Variants in OPCML observed in about 807,000 individuals in gnomAD.
The protein encoded by OPCML is opioid-binding protein/cell adhesion molecule.
Under a neutral mutation model 37.8 loss-of-function variants are expected in OPCML, and 13 were observed. The observed-to-expected ratio is 0.34, with a 90% CI of 0.22 to 0.55. The LOEUF is 0.55. Ranked by LOEUF, OPCML falls within the 20% of genes least tolerant of loss-of-function variation. The pLI is 0.91. For missense variants in OPCML, 341 were observed against 435.6 expected, an observed-to-expected ratio of 0.78 and a Z score of 1.93; for synonymous variants, 176 against 168.8, an observed-to-expected ratio of 1.04 and a Z score of -0.33.
At chr11:133,374,466 C>T (rs537368507) in intron 1 of OPCML, among the ~76,000 whole-genome samples, 10 of 152,158 alleles carry the variant, frequency 6.6e-5, no homozygotes, top group South Asian at 2.1e-4. Flanking sequence ...TGTAGTCTAT[C>T]GTGTGTCCAT....
At position 132,420,401 on chromosome 11, in the gene OPCML, C is replaced by T. The variant is rs949255864; in HGVS notation, c.917-108G>A. Reference sequence around the variant, plus strand: ...ATGCTTCCCACCTTCCACCCTTCCGCTGACCATTCCAAGTCTAAACAAAGG... The same window carrying T: ...ATGCTTCCCACCTTCCACCCTTCCGTTGACCATTCCAAGTCTAAACAAAGG... On this transcript the variant is annotated intron_variant, in intron 7 of 7. Coordinates refer to ENST00000524381, the MANE Select transcript of OPCML (RefSeq NM_001012393.5). 3.7e-5 allele frequency: 54 copies of T among 1,474,420 alleles called. No homozygotes were observed. The East Asian group carries it at 4.0e-4, about 11-fold the overall frequency. The allele number at this position is 1,474,420 out of a possible 1,614,324, so 91.3% of individuals were successfully genotyped here.
At chr11:132,829,161 T>C (rs987585666) in intron 2 of OPCML, among the ~76,000 whole-genome samples, 1 of 152,228 alleles carries the variant, frequency 6.6e-6, no homozygotes, top group African/African-American at 2.4e-5. Context: ...AAGTTATACT[T>C]GTTTATGCTA....
intron 2 of OPCML, among the ~76,000 whole-genome samples, chr11:132,812,220 C>A (rs1276118693): frequency 1.3e-5 from 2 of 152,144 alleles, no homozygotes; most frequent in African/African-American, 4.8e-5. Flanking sequence ...CACTAAACTT[C>A]CATCTTCCAA....
At chr11:132,466,223 C>A (rs1007831330) in intron 4 of OPCML, among the ~76,000 whole-genome samples, 2 of 151,818 alleles carry the variant, frequency 1.3e-5, no homozygotes, top group Non-Finnish European at 2.9e-5. Flanking sequence ...CGGTGGCTCA[C>A]GCCTGTCATC....
intron 1 of OPCML, among the ~76,000 whole-genome samples, chr11:133,368,998 A>G (rs894948780): frequency 6.6e-5 from 10 of 152,258 alleles, no homozygotes; most frequent in Non-Finnish European, 1.3e-4. Flanking sequence ...TCAAAAGAAT[A>G]ATACTAAAAA....
At chr11:132,638,091 C>T (rs1630146) in intron 3 of OPCML, among the ~76,000 whole-genome samples, 5,359 of 150,542 alleles carry the variant, frequency 0.036, 111 homozygotes, top group East Asian at 0.056. Context: ...AGAGGCACTA[C>T]GTGGAGAAGC....
chr11:133,069,605 C>G (rs1275624485), intron 1 of OPCML, among the ~76,000 whole-genome samples: 2 of 152,134 alleles, frequency 1.3e-5, no homozygotes, highest in Non-Finnish European at 2.9e-5. Flanking sequence ...GGGCTTGAAG[C>G]TACATGTGTG....
intron 1 of OPCML, among the ~76,000 whole-genome samples, chr11:133,053,900 C>G (rs1015089733): frequency 6.6e-6 from 1 of 152,206 alleles, no homozygotes; most frequent in Non-Finnish European, 1.5e-5. Flanking sequence ...CAACAGCGCC[C>G]TTAAATATGC....
intron 1 of OPCML, among the ~76,000 whole-genome samples, chr11:133,184,676 G>A (rs977154921): frequency 6.6e-6 from 1 of 152,152 alleles, no homozygotes; most frequent in African/African-American, 2.4e-5. Context: ...GTCTACTTCC[G>A]TTCAGTAGGA....
chr11:133,396,518 TA>T (rs1286778289), intron 1 of OPCML, among the ~76,000 whole-genome samples: 1 of 152,174 alleles, frequency 6.6e-6, no homozygotes, highest in African/African-American at 2.4e-5. Flanking sequence ...CTCAATCTCT[TA>T]GGATTATTTA....
At chr11:132,570,798 T>G (rs1465660587) in intron 3 of OPCML, among the ~76,000 whole-genome samples, 3,874 of 106,456 alleles carry the variant, frequency 0.036, 221 homozygotes, top group Middle Eastern at 0.066. Context: ...TATATATATA[T>G]ATATTTAGAG....
At chr11:132,541,202 C>A (rs1205966048) in intron 3 of OPCML, among the ~76,000 whole-genome samples, 6 of 152,196 alleles carry the variant, frequency 3.9e-5, no homozygotes, top group African/African-American at 1.4e-4. Flanking sequence ...CACAGGAAGG[C>A]CCCCTGAGTA....
chr11:132,821,893 C>T (rs1940009693), intron 2 of OPCML, among the ~76,000 whole-genome samples: 1 of 152,122 alleles, frequency 6.6e-6, no homozygotes, highest in Admixed American at 6.5e-5. Context: ...TCTCTGCCAA[C>T]CTTGTCTTGA....
At chr11:132,441,171 T>TTTTTGTTTTTG (rs560032637) in intron 4 of OPCML, among the ~76,000 whole-genome samples, 1 of 114,576 alleles carries the variant, frequency 8.7e-6, no homozygotes, top group African/African-American at 3.4e-5. Flanking sequence ...TTTTGTTTTT[T>TTTTTGTTTTTG]TTTTTTTTTT....
At chr11:132,633,480 C>G (rs533539640) in intron 3 of OPCML, among the ~76,000 whole-genome samples, 1 of 152,114 alleles carries the variant, frequency 6.6e-6, no homozygotes, top group South Asian at 2.1e-4. Context: ...TATATCTTTA[C>G]GTAAGCAAAT....
At chr11:132,490,754 T>C (rs1379684543) in intron 4 of OPCML, among the ~76,000 whole-genome samples, 1 of 148,464 alleles carries the variant, frequency 6.7e-6, no homozygotes, top group Non-Finnish European at 1.5e-5. Context: ...GAGTTTGCAG[T>C]GAGCCGAGAT....
intron 1 of OPCML, among the ~76,000 whole-genome samples, chr11:133,043,488 A>G (rs1409181580): frequency 6.6e-6 from 1 of 152,168 alleles, no homozygotes; most frequent in Non-Finnish European, 1.5e-5. Flanking sequence ...GCTGTTCTCC[A>G]AAGTGTTAGG....
At chr11:133,456,012 A>G (rs1301366524) in intron 1 of OPCML, among the ~76,000 whole-genome samples, 2 of 152,180 alleles carry the variant, frequency 1.3e-5, no homozygotes, top group Non-Finnish European at 2.9e-5. Flanking sequence ...TTTCCACAGG[A>G]TGGTTTGCTG....
intron 4 of OPCML, among the ~76,000 whole-genome samples, chr11:132,444,515 G>A (rs1229480205): frequency 2.6e-5 from 4 of 152,130 alleles, no homozygotes; most frequent in Admixed American, 2.6e-4. Context: ...CTAGTCCATT[G>A]TCCAAGTTGC....
Sources: allele counts gnomAD v4.1 joint callset (sites outside exome capture counted in the v4.1 genomes callset), GRCh38; gene constraint gnomAD v4.1.1; transcripts MANE v1.5; gene names NCBI Gene and HGNC (gene_info 2026-07-23, HGNC 2026-07-21).